Variants in CSAD observed in about 807,000 individuals in gnomAD.
CSAD encodes cysteine sulfinic acid decarboxylase.
In CSAD, 47 loss-of-function variants were observed where a neutral mutation model predicts 61.5. The observed-to-expected ratio is 0.76, with a 90% CI of 0.60 to 0.97. The LOEUF is 0.97. CSAD is among the 50% of genes least tolerant of loss of function. The pLI, the probability that CSAD is intolerant of heterozygous loss-of-function variation, is 0.00. For missense variants in CSAD, 611 were observed against 643.6 expected, an observed-to-expected ratio of 0.95 and a Z score of 0.55; for synonymous variants, 245 against 252.7, an observed-to-expected ratio of 0.97 and a Z score of 0.29.
In CSAD at chr12:53,178,890, T is replaced by C. The variant is rs562573883; in HGVS notation, c.-50+212A>G. Among the ~76,000 whole-genome samples, 3 of 152,366 alleles carry C rather than the reference T, an allele frequency of 2.0e-5. No homozygotes were observed. The East Asian group carries it at 5.8e-4, about 29-fold the overall frequency. On this transcript the variant is annotated intron_variant, in intron 2 of 16. Transcript: ENST00000444623. Reference sequence around the variant, plus strand: ...TTTTTTTCTTTTTTGAGACAGAGTTTCACTCTTATTGCCCAGGAAAGGCAC... The same window carrying C: ...TTTTTTTCTTTTTTGAGACAGAGTTCCACTCTTATTGCCCAGGAAAGGCAC...
chr12:53,180,470 G>C, intron 1 of CSAD: 1 of 1,211,944 alleles, frequency 8.3e-7, no homozygotes, highest in South Asian at 1.5e-5. Flanking sequence ...CCTGCCCTCA[G>C]TCTCGATGGC....
intron 1 of CSAD, chr12:53,179,776 C>G: frequency 6.2e-7 from 1 of 1,611,330 alleles, no homozygotes; most frequent in Non-Finnish European, 8.5e-7. Flanking sequence ...ATATCACCTA[C>G]AGCAGAAATG....
chr12:53,163,814 G>C (rs1484427940), intron 10 of CSAD, among the ~76,000 whole-genome samples: 1 of 152,138 alleles, frequency 6.6e-6, no homozygotes. Context: ...CAATCTTGAA[G>C]AAAAGAACAA....
intron 10 of CSAD, among the ~76,000 whole-genome samples, chr12:53,163,570 C>T (rs951298822): frequency 2.6e-5 from 4 of 151,874 alleles, no homozygotes; most frequent in African/African-American, 9.7e-5. Context: ...ATTTCATTTA[C>T]AAAAACACCA....
intron 8 of CSAD, chr12:53,171,051 A>AT: frequency 1.6e-6 from 1 of 610,102 alleles, no homozygotes. Flanking sequence ...GCCCCAGGTC[A>AT]TACCAATGCT....
chr12:53,176,759 G>A (rs907236019), intron 2 of CSAD, among the ~76,000 whole-genome samples: 9 of 152,058 alleles, frequency 5.9e-5, no homozygotes, highest in Non-Finnish European at 1.2e-4. Flanking sequence ...TAGAGAATAA[G>A]TTTTGCTGTA....
chr12:53,178,034 A>G (rs1941238409), intron 2 of CSAD: 1 of 180,228 alleles, frequency 5.5e-6, no homozygotes, highest in African/African-American at 2.4e-5. Flanking sequence ...TTTTTCACCC[A>G]TTAAACTAGT....
At chr12:53,180,576 C>A (rs1941519123) in intron 1 of CSAD, 156 bp downstream of exon 1, 1 of 1,284,994 alleles carries the variant, frequency 7.8e-7, no homozygotes, top group Non-Finnish European at 1.0e-6. Flanking sequence ...CCCAGCTGCA[C>A]CTCTCCGTGC....
At chr12:53,168,327 C>T (rs953717079) in intron 10 of CSAD, among the ~76,000 whole-genome samples, 4 of 152,086 alleles carry the variant, frequency 2.6e-5, no homozygotes, top group Admixed American at 6.6e-5. Flanking sequence ...ATATGCTAAA[C>T]CACTAAATAG....
rs766359869 is a variant in CSAD, at chr12:53,172,327, G to C, written c.344+19C>G. 7.5e-6 allele frequency: 12 copies of C among 1,607,722 alleles called. No individual in the cohort carries two copies. Among genetic ancestry groups the C allele is most frequent in the African/African-American group, 1.3e-5 (1 of 74,760 alleles). On this transcript the variant is annotated intron_variant, in intron 6 of 16. Coordinates refer to ENST00000444623, the MANE Select transcript of CSAD (RefSeq NM_001244705.2). The stretch of plus-strand genomic sequence containing the variant: ...CCTAAATCCTTTGTGGGATGGTAGA[G>C]GGGCCTTGGGATGCTCACTGGCTGG...
At position 53,172,424 on chromosome 12, in the gene CSAD, A is replaced by T. The variant is rs1940696127; in HGVS notation, c.266T>A (p.Phe89Tyr). 6 of 1,614,034 alleles carry T rather than the reference A, an allele frequency of 3.7e-6. No homozygotes were observed. The highest frequency in any genetic ancestry group is 5.1e-6 in the Non-Finnish European group (6 of 1,180,032). Reference sequence around the variant, plus strand: ...CAACCCAGAGAAGAGCTGGTTGAAGAACCGAGGGTGACCTGGAGAAGGAGA... The same window carrying T: ...CAACCCAGAGAAGAGCTGGTTGAAGTACCGAGGGTGACCTGGAGAAGGAGA... ...RYSVKTGHPR[F>Y]FNQLFSGLDP... is the part of the protein sequence containing the mutation. The change falls in exon 6 of 17, where the codon TTC (phenylalanine) becomes TAC (tyrosine). Residue 89 changes from phenylalanine to tyrosine, a missense_variant. By Grantham distance (22) the Phe-to-Tyr change is conservative. Coordinates refer to ENST00000444623, the MANE Select transcript of CSAD (RefSeq NM_001244705.2).
chr12:53,161,500 A>G (rs935443605), intron 10 of CSAD, 111 bp from the exon 11 acceptor site: 3 of 781,984 alleles, frequency 3.8e-6, no homozygotes, highest in Admixed American at 4.4e-5. Context: ...GGCCCATTTC[A>G]ACCTCACAAC....
rs1592301238 is a variant in CSAD, at chr12:53,160,037, A to T, written c.1166+83T>A. ...TGAGCCACAGAGAGACCGAGAGAAA[A>T]GTAATCCCGGGAGCAGGAAAGAGGG... On this transcript the variant is annotated intron_variant, in intron 14 of 16. Coordinates refer to ENST00000444623, the MANE Select transcript of CSAD (RefSeq NM_001244705.2). The T allele has an allele frequency of 6.9e-6, 11 of 1,602,812 alleles. No individual in the cohort carries two copies. The East Asian group carries it at 2.5e-4, about 36-fold the overall frequency.
chr12:53,173,700 T>C lies in CSAD; in HGVS notation c.-7+28A>G, dbSNP rs746107394. On this transcript the variant is annotated intron_variant, in intron 3 of 16. Transcript: ENST00000444623. ...CTGAGCAAGTGGACTCTAGTGGCCA[T>C]TTCCACCTAAGGCAGAGACAAGCTT... is the stretch of plus-strand genomic sequence containing the variant. The C allele has an allele frequency of 3.8e-6, 6 of 1,561,806 alleles. No homozygotes were observed. The Admixed American group carries it at 6.7e-5, about 17-fold the overall frequency.
chr12:53,169,926 C>T (rs1018177729), intron 10 of CSAD, 146 bp downstream of exon 10: 2 of 710,490 alleles, frequency 2.8e-6, no homozygotes, highest in Non-Finnish European at 4.9e-6. Flanking sequence ...GTGTCCTCAC[C>T]CCCAGGCTCT....
In CSAD at chr12:53,173,194, C is replaced by G. The variant is rs762943590; in HGVS notation, c.126+151G>C. On this transcript the variant is annotated intron_variant, in intron 4 of 16. Coordinates refer to ENST00000444623, the MANE Select transcript of CSAD (RefSeq NM_001244705.2). ...CTGCACTCCAGCCTGGCCGATAGAG[C>G]GAGACTCTGTCAAGAAAGAAAGGAA... 4 of 735,970 alleles carry G rather than the reference C, an allele frequency of 5.4e-6. No individual in the cohort carries two copies. In the Admixed American group the frequency reaches 1.4e-4, roughly 25 times the overall value. The allele number at this position is 735,970 out of a possible 1,614,324, so 45.6% of individuals were successfully genotyped here.
chr12:53,158,613 G>C lies in CSAD; in HGVS notation c.1380C>G (p.Thr460=), dbSNP rs371498352. 1 of 1,614,174 alleles carries C rather than the reference G, an allele frequency of 6.2e-7. No individual in the cohort carries two copies. Among genetic ancestry groups the C allele is most frequent in the Non-Finnish European group, 8.5e-7 (1 of 1,180,014 alleles). The change falls in exon 17 of 17, where the codon ACC becomes ACG. Residue 460 remains threonine, a synonymous_variant. Transcript: ENST00000444623. ...CAACCACACGGAAGAAGTTGCCCCG[G>C]GTCCCGTGGGGCTGGTAGCCAATCA... is the stretch of plus-strand genomic sequence containing the variant. ...SMMIGYQPHG[T]RGNFFRVVVA...
rs754999016 is a variant in CSAD at position 53,172,425 on chromosome 12, A to C, written c.265T>G (p.Phe89Val). ...RYSVKTGHPR[F>V]FNQLFSGLDP... is the part of the protein sequence containing the mutation. The stretch of plus-strand genomic sequence containing the variant: ...AACCCAGAGAAGAGCTGGTTGAAGA[A>C]CCGAGGGTGACCTGGAGAAGGAGAG... Residue 89 changes from phenylalanine (F) to valine (V), a missense_variant, in exon 6 of 17, where the codon TTC becomes GTC. Physicochemically the swap from Phe to Val is conservative, Grantham distance 50 (BLOSUM62 -1). Transcript: ENST00000444623. 6.2e-7 allele frequency: 1 copy of C among 1,614,134 alleles called. No individual in the cohort carries two copies. Among genetic ancestry groups the C allele is most frequent in the East Asian group, 2.2e-5 (1 of 44,868 alleles).
chr12:53,180,486 G>A lies in CSAD; in HGVS notation c.-91+246C>T, dbSNP rs1941497537. The A allele has an allele frequency of 3.3e-6, 4 of 1,222,940 alleles. No individual in the cohort carries two copies. In the South Asian group the frequency reaches 4.3e-5, roughly 13 times the overall value. The allele number at this position is 1,222,940 out of a possible 1,614,324, so 75.8% of individuals were successfully genotyped here. Reference sequence around the variant, plus strand: ...CTGCCCTCAGTCTCGATGGCGGCCGGGGCGCGCCCCGGCCACGGCGCACGC... The same window carrying A: ...CTGCCCTCAGTCTCGATGGCGGCCGAGGCGCGCCCCGGCCACGGCGCACGC... On this transcript the variant is annotated intron_variant, in intron 1 of 16. Transcript: ENST00000444623.
Sources: allele counts gnomAD v4.1 joint callset (sites outside exome capture counted in the v4.1 genomes callset), GRCh38; gene constraint gnomAD v4.1.1; transcripts MANE v1.5; gene names NCBI Gene and HGNC (gene_info 2026-07-23, HGNC 2026-07-21).